The following POGZ variants were observed in gnomAD, a reference collection of about 807,000 sequenced individuals.
POGZ encodes pogo transposable element with ZNF domain.
Under a neutral mutation model 134.6 loss-of-function variants are expected in POGZ, and 17 were observed. The observed-to-expected ratio is 0.13, with a 90% CI of 0.09 to 0.19. POGZ has a LOEUF of 0.19. Ranked by LOEUF, POGZ falls within the 10% of genes least tolerant of loss-of-function variation. The probability of loss-of-function intolerance (pLI) is 1.00; values close to 1 mark genes in which losing one functional copy is unlikely to be tolerated. For synonymous variants in POGZ, 693 were observed against 657.1 expected (o/e 1.05, Z -0.84); for missense variants, 1,306 against 1,769.7 (o/e 0.74, Z 4.70).
intron 1 of POGZ, among the ~76,000 whole-genome samples, chr1:151,455,878 A>G (rs1662701997): frequency 6.6e-6 from 1 of 151,176 alleles, no homozygotes; most frequent in African/African-American, 2.4e-5. Context: ...AAAACTCAAC[A>G]AACGGTAGTT....
At chr1:151,433,133 G>C (rs1227694015) in intron 3 of POGZ, among the ~76,000 whole-genome samples, 1 of 152,104 alleles carries the variant, frequency 6.6e-6, no homozygotes, top group Non-Finnish European at 1.5e-5. Flanking sequence ...TTAAATACAA[G>C]AAGGGAAAGA....
intron 10 of POGZ, among the ~76,000 whole-genome samples, chr1:151,418,940 G>C: frequency 7.0e-6 from 1 of 142,778 alleles, no homozygotes; most frequent in Non-Finnish European, 1.5e-5. Context: ...CAGGAGAATC[G>C]CTTGAAACCA....
chr1:151,403,663 T>C lies in POGZ; in HGVS notation c.*1139A>G, dbSNP rs1557858897. 14 of 985,332 alleles carry C rather than the reference T, an allele frequency of 1.4e-5. No individual in the cohort carries two copies. Among genetic ancestry groups the C allele is most frequent in the Non-Finnish European group, 1.7e-5 (14 of 829,530 alleles). 61.0% of individuals were successfully genotyped at this position (985,332 alleles called of 1,614,324 possible). The stretch of plus-strand genomic sequence containing the variant: ...TTTCTTTGTGCACACCCCTGTGCGC[T>C]TCTTCCTGTCAGATTCTTCCCTAAG... On this transcript the variant is annotated 3_prime_UTR_variant, in exon 19 of 19. Transcript: ENST00000271715.
In POGZ at chr1:151,403,461, T is replaced by C. The variant is rs919772297; in HGVS notation, c.*1341A>G. 3.0e-6 allele frequency: 3 copies of C among 985,768 alleles called. No individual in the cohort carries two copies. The highest frequency in any genetic ancestry group is 1.7e-5 in the African/African-American group (1 of 57,252). 61.1% of individuals were successfully genotyped at this position (985,768 alleles called of 1,614,324 possible). ...CTCCTTGGCTCACAGGAGGGGAACA[T>C]TGTGGAAAGCCTCAGGATAAACAGA... On this transcript the variant is annotated 3_prime_UTR_variant, in exon 19 of 19. Coordinates refer to ENST00000271715, the MANE Select transcript of POGZ (RefSeq NM_015100.4).
intron 12 of POGZ, among the ~76,000 whole-genome samples, chr1:151,410,982 A>G (rs1461815540): frequency 6.6e-6 from 1 of 152,074 alleles, no homozygotes; most frequent in East Asian, 1.9e-4. Flanking sequence ...ATCATCTCTC[A>G]CCTAAACTAC....
At chr1:151,408,960 T>A in intron 12 of POGZ, 132 bp from the exon 13 acceptor site, 1 of 804,604 alleles carries the variant, frequency 1.2e-6, no homozygotes, top group Non-Finnish European at 2.0e-6. Flanking sequence ...TTTAAGAGAG[T>A]AAGAAAGAAA....
At position 151,408,248 on chromosome 1, in the gene POGZ, G is replaced by A. The variant is rs992928032; in HGVS notation, c.2235-8C>T. ...TGCCGGCCCATGACACTCCTGTGGG[G>A]GAAAAAAAAAAAGAATTCTCATTAC... is the stretch of plus-strand genomic sequence containing the variant. On this transcript the variant is annotated splice_polypyrimidine_tract_variant and splice_region_variant and intron_variant, in intron 14 of 18. Transcript: ENST00000271715. 1.3e-6 allele frequency: 2 copies of A among 1,598,216 alleles called. No individual in the cohort carries two copies. Among genetic ancestry groups the A allele is most frequent in the Admixed American group, 1.8e-5 (1 of 54,912 alleles).
intron 10 of POGZ, among the ~76,000 whole-genome samples, chr1:151,417,068 CTT>C (rs562262990): frequency 5.5e-5 from 8 of 144,932 alleles, no homozygotes; most frequent in African/African-American, 7.6e-5. Flanking sequence ...TCTGTTAGAT[CTT>C]TTTTTTTTTT....
At position 151,404,446 on chromosome 1, in the gene POGZ, CAAAA is replaced by C. The variant is rs952753473; in HGVS notation, c.*352_*355del. On this transcript the variant is annotated 3_prime_UTR_variant, in exon 19 of 19. Transcript: ENST00000271715. Reference sequence around the variant, plus strand: ...GATACAATTGAGGTAAAAGGGGAAACAAAAAAATTTAACATTTGCCCACAAATAA... The same window carrying C: ...GATACAATTGAGGTAAAAGGGGAAACAAATTTAACATTTGCCCACAAATAA... The C allele has an allele frequency of 2.1e-5, 21 of 1,004,596 alleles. No homozygotes were observed. Among genetic ancestry groups the C allele is most frequent in the Non-Finnish European group, 2.4e-5 (20 of 841,932 alleles). The allele number at this position is 1,004,596 out of a possible 1,614,324, so 62.2% of individuals were successfully genotyped here.
chr1:151,433,976 C>T (rs1001375518), intron 3 of POGZ, among the ~76,000 whole-genome samples: 5 of 152,048 alleles, frequency 3.3e-5, no homozygotes, highest in South Asian at 2.1e-4. Flanking sequence ...CCTAGGAGTT[C>T]GAGTCCAGCC....
chr1:151,452,963 C>T (rs1363284093), intron 1 of POGZ, among the ~76,000 whole-genome samples: 2 of 151,688 alleles, frequency 1.3e-5, no homozygotes, highest in Non-Finnish European at 2.9e-5. Flanking sequence ...GATGGAGTCT[C>T]GCTCAGTTGC....
Position 151,403,769 on chromosome 1 carries a change from T to A in POGZ, c.*1033A>T, listed in dbSNP as rs1033951306. On this transcript the variant is annotated 3_prime_UTR_variant, in exon 19 of 19. Coordinates refer to ENST00000271715, the MANE Select transcript of POGZ (RefSeq NM_015100.4). ...TGTCTTTTTAAAGTTCAACACTTCTTGAACAATTAGCTCCTGGCTGTAGGA... is the reference window on the plus strand; with the variant it reads ...TGTCTTTTTAAAGTTCAACACTTCTAGAACAATTAGCTCCTGGCTGTAGGA... 1.0e-6 allele frequency: 1 copy of A among 985,552 alleles called. No homozygotes were observed. The highest frequency in any genetic ancestry group is 1.7e-5 in the African/African-American group (1 of 57,254). 61.1% of individuals were successfully genotyped at this position (985,552 alleles called of 1,614,324 possible).
intron 10 of POGZ, among the ~76,000 whole-genome samples, chr1:151,420,987 T>TCA (rs1204891711): frequency 1.9e-5 from 1 of 51,738 alleles, no homozygotes; most frequent in African/African-American, 4.4e-5. Context: ...CCGTGTTTTT[T>TCA]CATATATATA....
In POGZ at chr1:151,408,033, AAG is replaced by A. The variant is rs1325821641; in HGVS notation, c.2375+65_2375+66del. 1.1e-4 allele frequency: 102 copies of A among 921,990 alleles called. No individual in the cohort carries two copies. The African/African-American group carries it at 4.5e-3, about 41-fold the overall frequency. 57.1% of individuals were successfully genotyped at this position (921,990 alleles called of 1,614,324 possible). ...TCTTCAAAAAAAAAAAAAAAAAAAGAAGAAGAAGAAGAAGAAAAAAAGAATCT... is the reference window on the plus strand; with the variant it reads ...TCTTCAAAAAAAAAAAAAAAAAAAGAAAGAAGAAGAAGAAAAAAAGAATCT... On this transcript the variant is annotated intron_variant, in intron 15 of 18. Transcript: ENST00000271715.
At chr1:151,422,800 C>T (rs907303925) in intron 10 of POGZ, among the ~76,000 whole-genome samples, 8 of 152,248 alleles carry the variant, frequency 5.3e-5, no homozygotes, top group African/African-American at 1.2e-4. Flanking sequence ...CCATGTTGGC[C>T]GGGCTGGTCT....
rs928833585 is a variant in POGZ, at chr1:151,436,225, T to C, written c.283+4703A>G. ...CGCCTGCCTTGGCTTCCCAAAGTGC[T>C]AGGATTACGGGCGTGAGCCACCGCG... On this transcript the variant is annotated intron_variant, in intron 3 of 18. Transcript: ENST00000271715. Among the ~76,000 whole-genome samples, 24 of 152,188 alleles carry C rather than the reference T, an allele frequency of 1.6e-4. 1 individual carries two copies. The highest frequency in any genetic ancestry group is 4.6e-4 in the African/African-American group (19 of 41,460).
At chr1:151,429,894 C>T (rs1658413446) in intron 4 of POGZ, among the ~76,000 whole-genome samples, 183 bp from the exon 5 acceptor site, 2 of 151,950 alleles carry the variant, frequency 1.3e-5, no homozygotes, top group South Asian at 4.1e-4. Context: ...TTTTGAGAGA[C>T]AAAATATCAA....
At chr1:151,430,574 T>G in intron 4 of POGZ, 92 bp downstream of exon 4, 1 of 964,798 alleles carries the variant, frequency 1.0e-6, no homozygotes. Context: ...TTAGAACCAC[T>G]TCTAATGACG....
rs1040843324 is a variant in POGZ at position 151,415,180 on chromosome 1, C to T, written c.1679-2784G>A. Among the ~76,000 whole-genome samples the T allele has an allele frequency of 3.3e-5, 5 of 152,174 alleles. No homozygotes were observed. The East Asian group carries it at 5.8e-4, about 18-fold the overall frequency. ...CCCTGTCTTCAATCTTCCCCAACCC[C>T]GACAGGCTCCGACTCCTAAACATGG... On this transcript the variant is annotated intron_variant, in intron 10 of 18. Transcript: ENST00000271715.
Sources: allele counts gnomAD v4.1 joint callset (sites outside exome capture counted in the v4.1 genomes callset), GRCh38; gene constraint gnomAD v4.1.1; transcripts MANE v1.5; gene names NCBI Gene and HGNC (gene_info 2026-07-23, HGNC 2026-07-21).